SLC30A9: variants seen among roughly 807,000 people sequenced by gnomAD.
The protein encoded by SLC30A9 is solute carrier family 30 member 9.
In SLC30A9, 58 loss-of-function variants were observed where a neutral mutation model predicts 87.5. The observed-to-expected ratio is 0.66, with a 90% CI of 0.54 to 0.82. SLC30A9 has a LOEUF of 0.82. SLC30A9 is among the 40% of genes least tolerant of loss of function. SLC30A9 has a pLI of 0.00. For synonymous variants in SLC30A9, 234 were observed against 233.0 expected, an observed-to-expected ratio of 1.00 and a Z score of -0.04; for missense variants, 557 against 679.1, an observed-to-expected ratio of 0.82 and a Z score of 2.00.
intron 2 of SLC30A9, among the ~76,000 whole-genome samples, chr4:42,002,764 T>C (rs1396352039): frequency 6.6e-6 from 1 of 152,122 alleles, no homozygotes; most frequent in East Asian, 1.9e-4. Flanking sequence ...TTTGGTAGAA[T>C]AATTTATTTC....
intron 7 of SLC30A9, among the ~76,000 whole-genome samples, chr4:42,038,402 A>G (rs1037959477): frequency 1.1e-4 from 16 of 152,152 alleles, no homozygotes; most frequent in Admixed American, 1.0e-3. Flanking sequence ...CGTAAGCAGC[A>G]TTCTATTGTT....
In SLC30A9 at chr4:42,067,074, C is replaced by G. The variant is rs745511287; in HGVS notation, c.1145-11C>G. ...GAAATTTTCTTGTCTTGTCTCTTCC[C>G]CAATGACTAGTAATGGAAAGTCGTG... On this transcript the variant is annotated splice_polypyrimidine_tract_variant and intron_variant, in intron 13 of 17. Transcript: ENST00000264451. The G allele has an allele frequency of 3.2e-6, 5 of 1,539,062 alleles. No homozygotes were observed. The Admixed American group carries it at 8.4e-5, about 26-fold the overall frequency.
At chr4:42,016,724 C>T (rs1715735349) in intron 2 of SLC30A9, among the ~76,000 whole-genome samples, 1 of 152,014 alleles carries the variant, frequency 6.6e-6, no homozygotes, top group Admixed American at 6.6e-5. Flanking sequence ...AGTAAAAGCT[C>T]AAAGAAAGAT....
chr4:41,999,693 A>G (rs1714894430), intron 1 of SLC30A9, among the ~76,000 whole-genome samples: 1 of 152,080 alleles, frequency 6.6e-6, no homozygotes, highest in Admixed American at 6.5e-5. Flanking sequence ...AAAAAAAAAA[A>G]AGACATTCTG....
chr4:41,992,749 G>T (rs1714508113), intron 1 of SLC30A9, among the ~76,000 whole-genome samples: 1 of 152,104 alleles, frequency 6.6e-6, no homozygotes, highest in Non-Finnish European at 1.5e-5. Context: ...TGAAAATTTA[G>T]TTTCAGTAAT....
intron 6 of SLC30A9, among the ~76,000 whole-genome samples, chr4:42,025,156 A>G (rs1373871328): frequency 6.6e-6 from 1 of 152,180 alleles, no homozygotes; most frequent in Non-Finnish European, 1.5e-5. Context: ...CCTTCACTCT[A>G]CTGGATTACT....
intron 9 of SLC30A9, among the ~76,000 whole-genome samples, chr4:42,052,709 C>G (rs539513810): frequency 6.6e-6 from 1 of 152,310 alleles, no homozygotes; most frequent in East Asian, 1.9e-4. Flanking sequence ...ACCTTGACTC[C>G]TACTTCACAC....
chr4:42,014,555 CAAA>C (rs36063492), intron 2 of SLC30A9, among the ~76,000 whole-genome samples: 1 of 129,236 alleles, frequency 7.7e-6, no homozygotes. Flanking sequence ...GACTCCGTCG[CAAA>C]AAAAAAAAAA....
At chr4:42,003,684 T>C (rs1293171806) in intron 2 of SLC30A9, among the ~76,000 whole-genome samples, 1 of 152,304 alleles carries the variant, frequency 6.6e-6, no homozygotes, top group East Asian at 1.9e-4. Flanking sequence ...GCATTTACTG[T>C]AATCACTGAT....
intron 2 of SLC30A9, among the ~76,000 whole-genome samples, chr4:42,007,649 C>T (rs1715270462): frequency 6.6e-6 from 1 of 152,036 alleles, no homozygotes; most frequent in Non-Finnish European, 1.5e-5. Flanking sequence ...CCCAGCTACT[C>T]GGGAGGCTGA....
intron 9 of SLC30A9, among the ~76,000 whole-genome samples, chr4:42,058,502 C>T (rs868012338): frequency 4.6e-5 from 7 of 152,192 alleles, no homozygotes; most frequent in Non-Finnish European, 5.9e-5. Flanking sequence ...TCCACATTTT[C>T]GGGTATCTAG....
At chr4:42,076,758 T>G (rs1033131876) in intron 16 of SLC30A9, among the ~76,000 whole-genome samples, 1 of 151,896 alleles carries the variant, frequency 6.6e-6, no homozygotes, top group South Asian at 2.1e-4. Context: ...GGTCAAGAGA[T>G]CGATCCCATC....
At chr4:41,997,884 A>G (rs1321631312) in intron 1 of SLC30A9, among the ~76,000 whole-genome samples, 1 of 152,266 alleles carries the variant, frequency 6.6e-6, no homozygotes, top group African/African-American at 2.4e-5. Context: ...TAGTCTCTTA[A>G]GTAAGGAGAC....
chr4:42,029,362 G>A (rs1716325403), intron 6 of SLC30A9: 4 of 583,890 alleles, frequency 6.9e-6, no homozygotes, highest in African/African-American at 1.9e-5. Context: ...CATCTTCATC[G>A]GAATGATCCA....
chr4:42,015,937 A>C (rs918523031), intron 2 of SLC30A9, among the ~76,000 whole-genome samples: 4 of 152,152 alleles, frequency 2.6e-5, no homozygotes, highest in African/African-American at 9.7e-5. Context: ...GAAGGTGGTT[A>C]AGAGTGTAGA....
intron 11 of SLC30A9, among the ~76,000 whole-genome samples, chr4:42,063,656 A>AG (rs1352444541): frequency 2.6e-5 from 4 of 152,084 alleles, no homozygotes; most frequent in African/African-American, 7.2e-5. Context: ...GAAAGTGTTG[A>AG]GGGTTTGGAT....
intron 8 of SLC30A9, among the ~76,000 whole-genome samples, chr4:42,042,014 G>A (rs546716576): frequency 3.3e-5 from 5 of 152,268 alleles, no homozygotes; most frequent in Admixed American, 6.5e-5. Context: ...TGTGAGGAAC[G>A]GTGCATTCCA....
In SLC30A9 at chr4:41,990,867, T is replaced by A. The variant is rs2153131550; in HGVS notation, c.109+107T>A. ...TTCGCCCACTTGCCTTTCGCCAACC[T>A]CAGAACCTTCCTTTCTGGCCTCCGC... On this transcript the variant is annotated intron_variant, in intron 1 of 17. Transcript: ENST00000264451. 4 of 773,344 alleles carry A rather than the reference T, an allele frequency of 5.2e-6. No individual in the cohort carries two copies. In the Middle Eastern group the frequency reaches 1.4e-3, roughly 271 times the overall value. The allele number at this position is 773,344 out of a possible 1,614,324, so 47.9% of individuals were successfully genotyped here. A position where few individuals can be genotyped will look rare whatever the true frequency, so the allele number is the denominator to read the frequency against.
At chr4:42,080,677 CA>C (rs896472514) in intron 17 of SLC30A9, among the ~76,000 whole-genome samples, 7 of 152,192 alleles carry the variant, frequency 4.6e-5, no homozygotes, top group Admixed American at 2.6e-4. Flanking sequence ...TTAATGCCCC[CA>C]GATAAACAAA....
Sources: gnomAD v4.1 joint callset for allele counts (sites outside exome capture counted in the v4.1 genomes callset) on GRCh38, gnomAD v4.1.1 for gene constraint, MANE v1.5 for transcripts, NCBI Gene and HGNC (gene_info 2026-07-23, HGNC 2026-07-21) for gene names.